The following PLEKHM3 variants were observed in gnomAD, a reference collection of about 807,000 sequenced individuals.
The protein encoded by PLEKHM3 is pleckstrin homology domain-containing family M member 3.
PLEKHM3 carries 45 observed loss-of-function variants against 81.8 expected under a neutral mutation model. The ratio of observed to expected loss-of-function variants is 0.55; its 90% CI spans 0.43 to 0.71. The LOEUF is 0.71. Among genes scored for constraint, PLEKHM3 ranks in the 30% least tolerant of loss-of-function variants. The pLI is 0.00. For missense variants in PLEKHM3, 788 were observed against 924.3 expected, an observed-to-expected ratio of 0.85 and a Z score of 1.91; for synonymous variants, 352 against 356.4, an observed-to-expected ratio of 0.99 and a Z score of 0.14.
intron 6 of PLEKHM3, among the ~76,000 whole-genome samples, chr2:207,873,181 AT>A (rs1250012254): frequency 3.3e-5 from 5 of 151,392 alleles, no homozygotes; most frequent in East Asian, 3.9e-4. Flanking sequence ...TTCTGTGGCA[AT>A]TTTTTTTTAA....
intron 4 of PLEKHM3, among the ~76,000 whole-genome samples, chr2:207,937,545 G>C (rs573358457): frequency 1.3e-5 from 2 of 150,672 alleles, no homozygotes; most frequent in African/African-American, 4.9e-5. Context: ...ACTCCAGCCT[G>C]GGTAACAGAG....
intron 4 of PLEKHM3, among the ~76,000 whole-genome samples, chr2:207,941,187 C>T (rs1689927925): frequency 6.6e-6 from 1 of 152,130 alleles, no homozygotes; most frequent in Non-Finnish European, 1.5e-5. Flanking sequence ...GCTCTAGGGC[C>T]CTTTCCCACC....
At chr2:207,989,051 C>T (rs1291605756) in intron 2 of PLEKHM3, among the ~76,000 whole-genome samples, 1 of 152,228 alleles carries the variant, frequency 6.6e-6, no homozygotes, top group Non-Finnish European at 1.5e-5. Flanking sequence ...TTCTCCATCA[C>T]ACCTCTTGCT....
intron 6 of PLEKHM3, among the ~76,000 whole-genome samples, chr2:207,876,823 C>T (rs2092562316): frequency 1.3e-5 from 2 of 152,200 alleles, no homozygotes; most frequent in South Asian, 2.1e-4. Context: ...GGCTTTTTCC[C>T]TCCTGCCCTA....
intron 6 of PLEKHM3, among the ~76,000 whole-genome samples, chr2:207,903,927 T>C (rs775652819): frequency 2.6e-5 from 4 of 152,246 alleles, no homozygotes; most frequent in Non-Finnish European, 5.9e-5. Flanking sequence ...AGCCTTCTCA[T>C]GGATTTGTGA....
In PLEKHM3 at chr2:207,828,160, A is replaced by AGGTAT; in HGVS notation, c.*158_*159insATACC. On this transcript the variant is annotated 3_prime_UTR_variant, in exon 8 of 8. Transcript: ENST00000427836. ...TACACAGAGCATACGTACAGGACGT[A>AGGTAT]TAGGTATTTGCGTATATATAAATAA... The AGGTAT allele has an allele frequency of 1.9e-6, 1 of 527,764 alleles. No individual in the cohort carries two copies. Among genetic ancestry groups the AGGTAT allele is most frequent in the East Asian group, 3.4e-5 (1 of 29,456 alleles). The allele number at this position is 527,764 out of a possible 1,614,324, so 32.7% of individuals were successfully genotyped here.
At chr2:207,996,485 T>C (rs540416756) in intron 2 of PLEKHM3, among the ~76,000 whole-genome samples, 1 of 152,208 alleles carries the variant, frequency 6.6e-6, no homozygotes, top group Non-Finnish European at 1.5e-5. Context: ...TTTGAGCACA[T>C]ATTTTTGAGC....
intron 5 of PLEKHM3, among the ~76,000 whole-genome samples, chr2:207,909,287 C>A (rs1184718384): frequency 6.6e-6 from 1 of 152,146 alleles, no homozygotes; most frequent in Non-Finnish European, 1.5e-5. Flanking sequence ...AAAAATAATC[C>A]GTTATGGGTA....
intron 6 of PLEKHM3, among the ~76,000 whole-genome samples, chr2:207,880,734 G>A: frequency 1.1e-5 from 1 of 87,776 alleles, no homozygotes; most frequent in South Asian, 4.2e-4. Context: ...CTGCACTCCA[G>A]CCTGGGAGAC....
chr2:207,954,186 T>A (rs958976056), intron 3 of PLEKHM3, among the ~76,000 whole-genome samples: 10 of 152,000 alleles, frequency 6.6e-5, no homozygotes, highest in Admixed American at 5.9e-4. Flanking sequence ...GGCCCCATTT[T>A]TTCCAAAAAT....
chr2:208,011,913 C>T (rs1213255851), intron 1 of PLEKHM3, among the ~76,000 whole-genome samples: 1 of 150,002 alleles, frequency 6.7e-6, no homozygotes, highest in African/African-American at 2.5e-5. Context: ...CTCTCCTGCT[C>T]AGCCTCCTGA....
chr2:207,842,906 C>T (rs905681662), intron 7 of PLEKHM3, among the ~76,000 whole-genome samples: 3 of 152,148 alleles, frequency 2.0e-5, no homozygotes, highest in Non-Finnish European at 2.9e-5. Context: ...CCAATGTGAG[C>T]TTCTTAGGCG....
intron 5 of PLEKHM3, among the ~76,000 whole-genome samples, chr2:207,917,616 A>G (rs1689033277): frequency 6.6e-6 from 1 of 151,960 alleles, no homozygotes; most frequent in Non-Finnish European, 1.5e-5. Context: ...GCTGAGGTAG[A>G]GGATCCCTTA....
chr2:208,009,455 CTT>C (rs1692612932), intron 1 of PLEKHM3, among the ~76,000 whole-genome samples: 1 of 152,172 alleles, frequency 6.6e-6, no homozygotes, highest in African/African-American at 2.4e-5. Flanking sequence ...CTGCATGTTC[CTT>C]CTCAAATGAC....
chr2:208,001,878 T>G lies in PLEKHM3; in HGVS notation c.-239A>C, dbSNP rs755722181. On this transcript the variant is annotated 5_prime_UTR_variant, in exon 2 of 8. Transcript: ENST00000427836. ...TGTATAGGGAGACCAAATGTTCCTT[T>G]GAGATTATTCTTCAGTGAGACCTCT... The G allele has an allele frequency of 5.6e-6, 3 of 538,252 alleles. No individual in the cohort carries two copies. Among genetic ancestry groups the G allele is most frequent in the African/African-American group, 1.9e-5 (1 of 52,780 alleles). The allele number at this position is 538,252 out of a possible 1,614,324, so 33.3% of individuals were successfully genotyped here. A position where few individuals can be genotyped will look rare whatever the true frequency, so the allele number is the denominator to read the frequency against.
intron 6 of PLEKHM3, chr2:207,899,996 AC>A (rs1251035643): frequency 6.6e-6 from 1 of 152,096 alleles, no homozygotes; most frequent in Non-Finnish European, 1.5e-5. Context: ...AAAACAAATT[AC>A]CCCAAAACTT....
Position 208,020,935 on chromosome 2 carries a change from T to C in PLEKHM3, c.-319+4454A>G, listed in dbSNP as rs932680281. On this transcript the variant is annotated intron_variant, in intron 1 of 7. Coordinates refer to ENST00000427836, the MANE Select transcript of PLEKHM3 (RefSeq NM_001080475.3). ...GATGCTGCTGGAAACTGACTAGAGA[T>C]AAAGAATCCTAAAAAAACTGCCCAG... Among the ~76,000 whole-genome samples the C allele has an allele frequency of 5.9e-5, 9 of 152,232 alleles. 2 individuals carry two copies. Among genetic ancestry groups the C allele is most frequent in the Admixed American group, 5.9e-4 (9 of 15,282 alleles).
chr2:207,858,878 G>A (rs1289274946), intron 7 of PLEKHM3, among the ~76,000 whole-genome samples: 6 of 152,028 alleles, frequency 3.9e-5, no homozygotes, highest in Admixed American at 6.5e-5. Flanking sequence ...ATAAGACCAT[G>A]CAACCATTAC....
chr2:207,834,130 C>CTTTT (rs35913574), intron 7 of PLEKHM3, among the ~76,000 whole-genome samples: 1 of 140,544 alleles, frequency 7.1e-6, no homozygotes, highest in Non-Finnish European at 1.5e-5. Flanking sequence ...TTTTCTCTTT[C>CTTTT]TTTTTTTTTT....
Sources: gnomAD v4.1 joint callset for allele counts (sites outside exome capture counted in the v4.1 genomes callset) on GRCh38, gnomAD v4.1.1 for gene constraint, MANE v1.5 for transcripts, NCBI Gene and HGNC (gene_info 2026-07-23, HGNC 2026-07-21) for gene names.